BMP6: variants seen among roughly 807,000 people sequenced by gnomAD.
BMP6 encodes the protein bone morphogenetic protein 6.
A neutral mutation model predicts 54.1 loss-of-function variants in BMP6; 17 were observed. That is an observed-to-expected ratio of 0.31 (90% CI 0.22 to 0.47). BMP6 has a LOEUF of 0.47. Among genes scored for constraint, BMP6 ranks in the 20% least tolerant of loss-of-function variants. BMP6 has a pLI of 1.00. For synonymous variants in BMP6, 328 were observed against 291.2 expected, an observed-to-expected ratio of 1.13 and a Z score of -1.28; for missense variants, 720 against 690.4, an observed-to-expected ratio of 1.04 and a Z score of -0.48.
intron 1 of BMP6, among the ~76,000 whole-genome samples, chr6:7,813,665 A>ACC (rs1758476592): frequency 1.4e-5 from 2 of 139,978 alleles, no homozygotes; most frequent in Non-Finnish European, 3.1e-5. Flanking sequence ...AAAAAAAAAA[A>ACC]AAAACCCACC....
rs771981511 is a variant in BMP6, at chr6:7,727,433, T to A, written c.478T>A (p.Ser160Thr). Residue 160 changes from serine to threonine, a missense_variant, in exon 1 of 7, where the codon TCC becomes ACC. Coordinates refer to ENST00000283147, the MANE Select transcript of BMP6 (RefSeq NM_001718.6). ...GGCGTCGGAGGGGGAGAGGCAGCAG[T>A]CCTGGCCCCACGAAGCAGCCAGCTC... ...DGASEGERQQ[S>T]WPHEAASSSQ... 6.2e-7 allele frequency: 1 copy of A among 1,605,028 alleles called. No homozygotes were observed.
At chr6:7,817,714 A>C (rs1313915854) in intron 1 of BMP6, among the ~76,000 whole-genome samples, 2 of 152,060 alleles carry the variant, frequency 1.3e-5, no homozygotes, top group African/African-American at 4.8e-5. Context: ...CCTAGAACTT[A>C]AAGTATAATT....
rs1298868569 is a variant in BMP6 at position 7,880,456 on chromosome 6, C to T, written c.*113C>T. On this transcript the variant is annotated 3_prime_UTR_variant, in exon 7 of 7. Coordinates refer to ENST00000283147, the MANE Select transcript of BMP6 (RefSeq NM_001718.6). ...TGGGACGATGAGACTTTGAAACTAT[C>T]TCATGCCAGTGCCTTATTACCCAGG... The T allele has an allele frequency of 2.1e-6, 3 of 1,396,104 alleles. No individual in the cohort carries two copies. Among genetic ancestry groups the T allele is most frequent in the Admixed American group, 1.9e-5 (1 of 52,152 alleles). The allele number at this position is 1,396,104 out of a possible 1,614,324, so 86.5% of individuals were successfully genotyped here. A position where few individuals can be genotyped will look rare whatever the true frequency, so the allele number is the denominator to read the frequency against.
chr6:7,778,661 G>A (rs1360876230), intron 1 of BMP6, among the ~76,000 whole-genome samples: 1 of 152,210 alleles, frequency 6.6e-6, no homozygotes, highest in Non-Finnish European at 1.5e-5. Context: ...TAGGGTTTCA[G>A]ACCTAGAAAA....
intron 4 of BMP6, among the ~76,000 whole-genome samples, chr6:7,866,116 C>A (rs1304039710): frequency 2.6e-5 from 4 of 152,220 alleles, no homozygotes; most frequent in Non-Finnish European, 5.9e-5. Flanking sequence ...CGACGTCTCC[C>A]TGGATGGCTT....
intron 1 of BMP6, among the ~76,000 whole-genome samples, chr6:7,822,184 C>G (rs1180135585): frequency 6.6e-6 from 1 of 152,142 alleles, no homozygotes; most frequent in African/African-American, 2.4e-5. Context: ...GCATGCCCAG[C>G]TAATTTTGTA....
rs374481056 is a variant in BMP6 at position 7,861,321 on chromosome 6, A to G, written c.858-130A>G. The G allele has an allele frequency of 4.0e-5, 48 of 1,210,640 alleles. No homozygotes were observed. The East Asian group carries it at 1.0e-3, about 26-fold the overall frequency. The allele number at this position is 1,210,640 out of a possible 1,614,324, so 75.0% of individuals were successfully genotyped here. ...ACGCCTTTCAGGGCTATGGCAAGTC[A>G]CTGTGCTTGTGCCTCACAGGTAGAT... On this transcript the variant is annotated intron_variant, in intron 2 of 6. Coordinates refer to ENST00000283147, the MANE Select transcript of BMP6 (RefSeq NM_001718.6).
intron 4 of BMP6, among the ~76,000 whole-genome samples, chr6:7,877,126 A>G (rs1379850925): frequency 1.3e-5 from 2 of 151,330 alleles, no homozygotes; most frequent in Non-Finnish European, 3.0e-5. Flanking sequence ...TTACTGAGAG[A>G]GTCCTTGTCC....
chr6:7,846,534 C>T (rs1759067168), intron 2 of BMP6, among the ~76,000 whole-genome samples: 1 of 152,192 alleles, frequency 6.6e-6, no homozygotes, highest in African/African-American at 2.4e-5. Context: ...GGAGGAAGGA[C>T]AGATGCCATG....
intron 1 of BMP6, among the ~76,000 whole-genome samples, chr6:7,749,338 CCT>C (rs889067340): frequency 3.1e-4 from 47 of 152,300 alleles, no homozygotes; most frequent in African/African-American, 1.1e-3. Flanking sequence ...GTCAGATCAA[CCT>C]CTCTTTATCA....
intron 4 of BMP6, among the ~76,000 whole-genome samples, chr6:7,876,134 A>G (rs565438083): frequency 2.0e-5 from 3 of 152,306 alleles, no homozygotes; most frequent in African/African-American, 7.2e-5. Context: ...TGGGTAGCAA[A>G]AGCAGTAAAT....
intron 4 of BMP6, among the ~76,000 whole-genome samples, chr6:7,870,926 G>A (rs995892398): frequency 6.6e-6 from 1 of 152,210 alleles, no homozygotes; most frequent in Non-Finnish European, 1.5e-5. Flanking sequence ...ACCGCGCCCG[G>A]CCTGTCTTGG....
intron 1 of BMP6, among the ~76,000 whole-genome samples, chr6:7,754,394 C>T (rs776728996): frequency 1.3e-5 from 2 of 152,214 alleles, no homozygotes; most frequent in Non-Finnish European, 2.9e-5. Context: ...GAGGCATGAG[C>T]CACCACGCCC....
At chr6:7,728,022 C>A (rs940824395) in intron 1 of BMP6, among the ~76,000 whole-genome samples, 60 of 152,260 alleles carry the variant, frequency 3.9e-4, no homozygotes, top group African/African-American at 1.4e-3. Context: ...GAGGGCTCTT[C>A]AGTACGATTT....
At chr6:7,760,668 A>ATC (rs1757599342) in intron 1 of BMP6, among the ~76,000 whole-genome samples, 2 of 152,114 alleles carry the variant, frequency 1.3e-5, no homozygotes, top group Non-Finnish European at 2.9e-5. Flanking sequence ...GGGTTTCACC[A>ATC]TGTTAGCCAG....
At chr6:7,811,770 C>A (rs1758439829) in intron 1 of BMP6, among the ~76,000 whole-genome samples, 2 of 152,120 alleles carry the variant, frequency 1.3e-5, no homozygotes, top group Admixed American at 1.3e-4. Flanking sequence ...TCACATTTCC[C>A]TTCGTTAAAC....
chr6:7,846,997 G>A (rs56377413), intron 2 of BMP6, among the ~76,000 whole-genome samples: 7,197 of 152,224 alleles, frequency 0.047, 245 homozygotes, highest in Non-Finnish European at 0.069. Flanking sequence ...GGAGTTAAGT[G>A]ACTGGCATTT....
intron 4 of BMP6, among the ~76,000 whole-genome samples, chr6:7,865,057 T>A: frequency 6.6e-6 from 1 of 152,208 alleles, no homozygotes; most frequent in Non-Finnish European, 1.5e-5. Flanking sequence ...AAAACTTCAC[T>A]TGATTTTATT....
At chr6:7,839,371 C>T (rs561571934) in intron 1 of BMP6, among the ~76,000 whole-genome samples, 29 of 152,336 alleles carry the variant, frequency 1.9e-4, no homozygotes, top group African/African-American at 7.0e-4. Flanking sequence ...GCATTAAGGA[C>T]ATTCACATTG....
Sources: gnomAD v4.1 joint callset for allele counts (sites outside exome capture counted in the v4.1 genomes callset) on GRCh38, gnomAD v4.1.1 for gene constraint, MANE v1.5 for transcripts, NCBI Gene and HGNC (gene_info 2026-07-23, HGNC 2026-07-21) for gene names.